PALS2: variants seen among roughly 807,000 people sequenced by gnomAD.
PALS2 encodes the protein protein PALS2.
In PALS2, 27 loss-of-function variants were observed where a neutral mutation model predicts 61.6. That is an observed-to-expected ratio of 0.44 (90% CI 0.32 to 0.60). PALS2 has a LOEUF of 0.60. PALS2 is among the 20% of genes least tolerant of loss of function. PALS2 has a pLI of 0.05. For missense variants in PALS2, 554 were observed against 639.4 expected (o/e 0.87, Z 1.44); for synonymous variants, 236 against 218.6 (o/e 1.08, Z -0.70).
At chr7:24,655,561 G>A (rs372751185) in intron 5 of PALS2, among the ~76,000 whole-genome samples, 2 of 151,026 alleles carry the variant, frequency 1.3e-5, no homozygotes, top group African/African-American at 2.4e-5. Context: ...AGCAGTCCTT[G>A]CACGAACCAG....
At chr7:24,637,932 T>C (rs551477793) in intron 2 of PALS2, among the ~76,000 whole-genome samples, 43 of 152,218 alleles carry the variant, frequency 2.8e-4, no homozygotes, top group Non-Finnish European at 5.7e-4. Flanking sequence ...TATTGAGTTA[T>C]GCTAGTGTTG....
chr7:24,640,467 A>C (rs1785466925), intron 2 of PALS2, among the ~76,000 whole-genome samples: 1 of 152,182 alleles, frequency 6.6e-6, no homozygotes. Context: ...TTTAGTTGAT[A>C]CTGTTACCAC....
At position 24,606,601 on chromosome 7, in the gene PALS2, G is replaced by GT. The variant is rs200961041; in HGVS notation, c.-2-17056dup. Reference sequence around the variant, plus strand: ...TTTAGTAAAGTAGGCATTTAATTAGGTTTTTTTTTGTTTCATTTTGTTTTT... The same window carrying GT: ...TTTAGTAAAGTAGGCATTTAATTAGGTTTTTTTTTTGTTTCATTTTGTTTTT... On this transcript the variant is annotated intron_variant, in intron 1 of 11. Transcript: ENST00000222644. Among the ~76,000 whole-genome samples, 378 of 151,052 alleles carry GT rather than the reference G, an allele frequency of 2.5e-3. 1 individual carries two copies. The highest frequency in any genetic ancestry group is 0.014 in the East Asian group (73 of 5,164).
In PALS2 at chr7:24,573,663, C is replaced by T. The variant is rs895025177; in HGVS notation, c.-3+70C>T. The T allele has an allele frequency of 1.3e-5, 3 of 236,322 alleles. No homozygotes were observed. Among genetic ancestry groups the T allele is most frequent in the African/African-American group, 7.0e-5 (3 of 42,790 alleles). The allele number at this position is 236,322 out of a possible 1,614,324, so 14.6% of individuals were successfully genotyped here. ...GCGCGCCGGGCCGGCCGGGGGCGCCCTGTTGCTCGGCGCGGCGCGCCACGC... is the reference window on the plus strand; with the variant it reads ...GCGCGCCGGGCCGGCCGGGGGCGCCTTGTTGCTCGGCGCGGCGCGCCACGC... On this transcript the variant is annotated intron_variant, in intron 1 of 11. Transcript: ENST00000222644. The surrounding 1 kb of genome is among the most constrained non-coding windows in gnomAD (Gnocchi z 5.3).
At position 24,576,926 on chromosome 7, in the gene PALS2, A is replaced by G. The variant is rs906972260; in HGVS notation, c.-3+3333A>G. ...AAGCCCACAACTTTGTTAACCATTAAGCTGTGACCATTATTACCAGGTGTA... is the reference window on the plus strand; with the variant it reads ...AAGCCCACAACTTTGTTAACCATTAGGCTGTGACCATTATTACCAGGTGTA... On this transcript the variant is annotated intron_variant, in intron 1 of 11. Coordinates refer to ENST00000222644, the MANE Select transcript of PALS2 (RefSeq NM_001303037.2). 3.9e-5 allele frequency among the ~76,000 whole-genome samples: 6 copies of G among 152,196 alleles called. 1 individual carries two copies. The highest frequency in any genetic ancestry group is 3.9e-4 in the Admixed American group (6 of 15,268).
chr7:24,601,632 T>C (rs1472198989), intron 1 of PALS2, among the ~76,000 whole-genome samples: 1 of 152,148 alleles, frequency 6.6e-6, no homozygotes, highest in Non-Finnish European at 1.5e-5. Context: ...TTTTTTGTTT[T>C]TGTTTTTAAT....
intron 2 of PALS2, chr7:24,624,010 TA>T: frequency 8.2e-7 from 1 of 1,219,818 alleles, no homozygotes; most frequent in Non-Finnish European, 1.1e-6. Context: ...AGTTTTGGCG[TA>T]ATGCCTTTAA....
chr7:24,613,232 C>T (rs188044544), intron 1 of PALS2, among the ~76,000 whole-genome samples: 14 of 151,610 alleles, frequency 9.2e-5, no homozygotes, highest in Admixed American at 8.5e-4. Flanking sequence ...GATCTCATGC[C>T]TTTTTTTAAA....
intron 5 of PALS2, among the ~76,000 whole-genome samples, chr7:24,659,663 A>T (rs540586869): frequency 3.9e-5 from 6 of 152,280 alleles, no homozygotes; most frequent in Admixed American, 2.6e-4. Context: ...TGAATTACGA[A>T]GGTTTTTCCA....
chr7:24,636,289 C>G (rs920348014), intron 2 of PALS2, among the ~76,000 whole-genome samples: 8 of 151,436 alleles, frequency 5.3e-5, no homozygotes, highest in African/African-American at 2.4e-5. Flanking sequence ...TATGTTCCCA[C>G]TAGAAAAAAT....
intron 2 of PALS2, among the ~76,000 whole-genome samples, chr7:24,632,050 C>A (rs919812082): frequency 1.3e-5 from 2 of 152,148 alleles, no homozygotes; most frequent in African/African-American, 4.8e-5. Flanking sequence ...AATGTTGAAA[C>A]CTTCAACTAT....
At chr7:24,621,515 C>T (rs1331669690) in intron 1 of PALS2, among the ~76,000 whole-genome samples, 1 of 151,948 alleles carries the variant, frequency 6.6e-6, no homozygotes, top group East Asian at 1.9e-4. Flanking sequence ...GCTGAAACCT[C>T]TAGTATTCTA....
chr7:24,668,848 G>A (rs528412914), intron 9 of PALS2, among the ~76,000 whole-genome samples, 188 bp downstream of exon 9: 8 of 152,322 alleles, frequency 5.3e-5, no homozygotes, highest in Admixed American at 4.6e-4. Context: ...TAGTGCTGCA[G>A]TGCTGTTGGC....
At chr7:24,599,505 CTT>C (rs1159029178) in intron 1 of PALS2, among the ~76,000 whole-genome samples, 25 of 116,556 alleles carry the variant, frequency 2.1e-4, no homozygotes, top group African/African-American at 5.9e-4. Flanking sequence ...CTTCTATAAG[CTT>C]TTTTTTTTTT....
chr7:24,582,324 G>A (rs1301436417), intron 1 of PALS2, among the ~76,000 whole-genome samples: 3 of 152,122 alleles, frequency 2.0e-5, no homozygotes, highest in African/African-American at 7.2e-5. Context: ...TAAGGAATTG[G>A]GAATACTAAT....
At chr7:24,613,724 A>G (rs912999388) in intron 1 of PALS2, among the ~76,000 whole-genome samples, 4 of 151,724 alleles carry the variant, frequency 2.6e-5, no homozygotes, top group African/African-American at 9.7e-5. Flanking sequence ...CCTTTATCAC[A>G]TCTCTTCCTA....
chr7:24,676,704 C>T, intron 9 of PALS2, among the ~76,000 whole-genome samples: 1 of 151,054 alleles, frequency 6.6e-6, no homozygotes, highest in Non-Finnish European at 1.5e-5. Flanking sequence ...GGCGTTATTT[C>T]TGAGGGCTCT....
rs555966249 is a variant in PALS2, at chr7:24,640,257, C to A, written c.118-1459C>A. Among the ~76,000 whole-genome samples the A allele has an allele frequency of 2.0e-5, 3 of 151,572 alleles. No individual in the cohort carries two copies. The East Asian group carries it at 5.8e-4, about 29-fold the overall frequency. ...CTTTTAGAATTTCTTCTTTTAAGGT[C>A]TTTCTTTAAAATCTTGCTTAATATA... On this transcript the variant is annotated intron_variant, in intron 2 of 11. Coordinates refer to ENST00000222644, the MANE Select transcript of PALS2 (RefSeq NM_001303037.2).
At chr7:24,610,120 G>A (rs117705197) in intron 1 of PALS2, among the ~76,000 whole-genome samples, 72 of 152,146 alleles carry the variant, frequency 4.7e-4, no homozygotes, top group Non-Finnish European at 8.5e-4. Flanking sequence ...TACTAATAAT[G>A]CAGTAGGAAG....
Sources: gnomAD v4.1 joint callset for allele counts (sites outside exome capture counted in the v4.1 genomes callset) on GRCh38, gnomAD v4.1.1 for gene constraint, Gnocchi (gnomAD v3.1) non-coding constraint, MANE v1.5 for transcripts, NCBI Gene and HGNC (gene_info 2026-07-23, HGNC 2026-07-21) for gene names.